ARID2: variants seen among roughly 807,000 people sequenced by gnomAD.
The protein encoded by ARID2 is AT-rich interaction domain 2.
In ARID2, 32 loss-of-function variants were observed where a neutral mutation model predicts 184.6. The observed-to-expected ratio is 0.17, with a 90% confidence interval of 0.13 to 0.23. The LOEUF is 0.23. Among genes scored for constraint, ARID2 ranks in the 10% least tolerant of loss-of-function variants. The probability of loss-of-function intolerance (pLI) is 1.00; values close to 1 mark genes in which losing one functional copy is unlikely to be tolerated. For synonymous variants in ARID2, 836 were observed against 772.6 expected, an observed-to-expected ratio of 1.08 and a Z score of -1.36; for missense variants, 1,696 against 2,197.6, an observed-to-expected ratio of 0.77 and a Z score of 4.56.
chr12:45,770,018 G>T (rs1218200324), intron 3 of ARID2, among the ~76,000 whole-genome samples: 3 of 152,132 alleles, frequency 2.0e-5, no homozygotes, highest in African/African-American at 7.2e-5. Context: ...ACTTTGGGAG[G>T]CTGAGACGGG....
At chr12:45,782,586 C>T (rs549356475) in intron 3 of ARID2, among the ~76,000 whole-genome samples, 20 of 152,170 alleles carry the variant, frequency 1.3e-4, no homozygotes, top group Non-Finnish European at 2.4e-4. Context: ...GAGCCGAGAT[C>T]GCGCCATTAC....
Position 45,850,171 on chromosome 12 carries a change from G to T in ARID2, c.2048G>T (p.Arg683Ile). The change falls in exon 15 of 21, where the codon AGA becomes ATA. Residue 683 changes from arginine to isoleucine, a missense_variant. This residue lies in a region of ARID2 where 713 missense variants were observed against 824.4 expected (regional missense o/e 0.86). Coordinates refer to ENST00000334344, the MANE Select transcript of ARID2 (RefSeq NM_152641.4). ...CATACTGTGGCACAAACTGTTTCAA[G>T]AATTCCACAAAATCCTTCACCTCAT... ...GVHTVAQTVS[R>I]IPQNPSPHTH... The T allele has an allele frequency of 6.2e-7, 1 of 1,614,086 alleles. No homozygotes were observed. Among genetic ancestry groups the T allele is most frequent in the Non-Finnish European group, 8.5e-7 (1 of 1,179,980 alleles).
At chr12:45,806,528 AT>A (rs1392846950) in intron 3 of ARID2, among the ~76,000 whole-genome samples, 1 of 151,832 alleles carries the variant, frequency 6.6e-6, no homozygotes, top group African/African-American at 2.4e-5. Flanking sequence ...CATATCTTTC[AT>A]TTTTGTCCAC....
At chr12:45,760,485 G>C (rs965080971) in intron 3 of ARID2, among the ~76,000 whole-genome samples, 2 of 151,744 alleles carry the variant, frequency 1.3e-5, no homozygotes, top group African/African-American at 4.8e-5. Context: ...TGTTTTTTCT[G>C]CGTGTGTGTT....
intron 15 of ARID2, among the ~76,000 whole-genome samples, chr12:45,854,405 T>C (rs1331339526): frequency 1.3e-5 from 2 of 152,184 alleles, no homozygotes; most frequent in African/African-American, 4.8e-5. Context: ...ATTGGAGACT[T>C]CTGCTTTGAG....
chr12:45,905,270 T>G lies in ARID2; in HGVS notation c.*192T>G, dbSNP rs181059322. On this transcript the variant is annotated 3_prime_UTR_variant, in exon 21 of 21. Coordinates refer to ENST00000334344, the MANE Select transcript of ARID2 (RefSeq NM_152641.4). ...CCTTTGTTCTCTGTTTAAAAAAATCTAAAAAGAAAAAGGAAAAAAAAAAAA... is the reference window on the plus strand; with the variant it reads ...CCTTTGTTCTCTGTTTAAAAAAATCGAAAAAGAAAAAGGAAAAAAAAAAAA... 730 of 482,398 alleles carry G rather than the reference T, an allele frequency of 1.5e-3. 4 individuals are homozygous for G. The highest frequency in any genetic ancestry group is 7.4e-3 in the African/African-American group (367 of 49,316). 29.9% of individuals were successfully genotyped at this position (482,398 alleles called of 1,614,324 possible).
chr12:45,811,036 C>T (rs1403360833), intron 3 of ARID2, among the ~76,000 whole-genome samples: 10 of 151,832 alleles, frequency 6.6e-5, no homozygotes, highest in Non-Finnish European at 1.3e-4. Flanking sequence ...GGTGAAACCC[C>T]GTCTCTACAA....
chr12:45,851,416 T>C lies in ARID2; in HGVS notation c.3293T>C (p.Val1098Ala), dbSNP rs1230385630. Residue 1098 changes from valine to alanine, a missense_variant, in exon 15 of 21, where the codon GTC (valine) becomes GCC (alanine). Around this residue, in one of 11 missense-constraint regions of ARID2, gnomAD observed 713 missense variants for 824.4 expected, o/e 0.86. Transcript: ENST00000334344. Reference protein sequence around the residue: ...NNARAPSPQVVYQVASNQAAG... With the variant: ...NNARAPSPQVAYQVASNQAAG... ...GCAAGAGCTCCTAGCCCTCAGGTGGTCTATCAGGTGGCCAGTAACCAAGCC... is the reference window on the plus strand; with the variant it reads ...GCAAGAGCTCCTAGCCCTCAGGTGGCCTATCAGGTGGCCAGTAACCAAGCC... The C allele has an allele frequency of 6.2e-7, 1 of 1,613,976 alleles. No individual in the cohort carries two copies. The highest frequency in any genetic ancestry group is 1.7e-5 in the Admixed American group (1 of 59,980).
chr12:45,750,703 G>A (rs926167505), intron 3 of ARID2, among the ~76,000 whole-genome samples: 2 of 152,124 alleles, frequency 1.3e-5, no homozygotes, highest in Admixed American at 1.3e-4. Flanking sequence ...GAGACATTTT[G>A]GAGTTGGGAA....
intron 20 of ARID2, among the ~76,000 whole-genome samples, chr12:45,898,005 G>A (rs762084327): frequency 6.6e-6 from 1 of 151,950 alleles, no homozygotes; most frequent in Non-Finnish European, 1.5e-5. Context: ...ACCATGTTGT[G>A]CAGGGTTGTC....
chr12:45,840,369 T>G (rs1592111379), intron 11 of ARID2: 1 of 152,184 alleles, frequency 6.6e-6, no homozygotes, highest in Non-Finnish European at 1.5e-5. Flanking sequence ...CTTCAATTTT[T>G]TACTCCTTCA....
intron 3 of ARID2, among the ~76,000 whole-genome samples, chr12:45,742,167 G>A (rs1941270925): frequency 6.6e-6 from 1 of 152,208 alleles, no homozygotes; most frequent in Non-Finnish European, 1.5e-5. Context: ...GACTGAAGAT[G>A]TATTGTTAAA....
rs1470438168 is a variant in ARID2, at chr12:45,731,201, G to C, written c.187-16G>C. ...AGATTGTTCACGTTCAGACAACTGT[G>C]CCTGTGTTTTACCAGGTTTCTGAGA... On this transcript the variant is annotated splice_polypyrimidine_tract_variant and intron_variant, in intron 2 of 20. Coordinates refer to ENST00000334344, the MANE Select transcript of ARID2 (RefSeq NM_152641.4). 6.4e-7 allele frequency: 1 copy of C among 1,561,608 alleles called. No homozygotes were observed. Among genetic ancestry groups the C allele is most frequent in the Non-Finnish European group, 8.8e-7 (1 of 1,132,184 alleles).
intron 3 of ARID2, among the ~76,000 whole-genome samples, chr12:45,757,295 T>C (rs1941588452): frequency 6.6e-6 from 1 of 152,194 alleles, no homozygotes; most frequent in South Asian, 2.1e-4. Flanking sequence ...CTTCTCAAAC[T>C]AATATGCTTA....
At position 45,837,532 on chromosome 12, in the gene ARID2, A is replaced by G. The variant is rs1297602689; in HGVS notation, c.1155A>G (p.Glu385=). 1 of 1,613,938 alleles carries G rather than the reference A, an allele frequency of 6.2e-7. No homozygotes were observed. The highest frequency in any genetic ancestry group is 1.7e-5 in the Admixed American group (1 of 59,996). The change falls in exon 10 of 21, where the codon GAA becomes GAG. Residue 385 remains glutamate (E), a synonymous_variant. Coordinates refer to ENST00000334344, the MANE Select transcript of ARID2 (RefSeq NM_152641.4). ...TTTTGGGAAATCTTTGCAAAGCAGA[A>G]GATAATGGTGTTTTAATTTGTGAAT... ...MEILGNLCKA[E]DNGVLICEYV...
rs995293845 is a variant in ARID2 at position 45,837,727 on chromosome 12, C to A, written c.1330+20C>A. On this transcript the variant is annotated intron_variant, in intron 10 of 20. Coordinates refer to ENST00000334344, the MANE Select transcript of ARID2 (RefSeq NM_152641.4). ...GCATAGGTAAGACTGGACCAAAAAA[C>A]ACTTATTTTCTTTATTGAGTAAAAG... The A allele has an allele frequency of 6.2e-7, 1 of 1,601,312 alleles. No individual in the cohort carries two copies. The highest frequency in any genetic ancestry group is 1.1e-5 in the South Asian group (1 of 90,796).
chr12:45,852,154 T>C lies in ARID2; in HGVS notation c.4031T>C (p.Ile1344Thr), dbSNP rs750439870. The C allele has an allele frequency of 4.3e-6, 7 of 1,614,038 alleles. No homozygotes were observed. The highest frequency in any genetic ancestry group is 1.3e-5 in the African/African-American group (1 of 75,028). The change falls in exon 15 of 21, where the codon ATA (isoleucine) becomes ACA (threonine). Residue 1344 changes from isoleucine to threonine, a missense_variant. By Grantham distance (89) the Ile-to-Thr change is moderately conservative (BLOSUM62 -1). This residue lies in a region of ARID2 where 428 missense variants were observed against 409.1 expected (regional missense o/e 1.05). Coordinates refer to ENST00000334344, the MANE Select transcript of ARID2 (RefSeq NM_152641.4). ...TCTGGGAAACAGAACTCAGAACAAA[T>C]AGACATGCAAGATATCAAAAGTGAT... is the stretch of plus-strand genomic sequence containing the variant. ...GASGKQNSEQ[I>T]DMQDIKSDLR...
chr12:45,776,822 G>A (rs527573644), intron 3 of ARID2, among the ~76,000 whole-genome samples: 6 of 145,336 alleles, frequency 4.1e-5, no homozygotes, highest in South Asian at 2.2e-4. Flanking sequence ...TTGCGGGGTC[G>A]TCCAGGCTAG....
intron 3 of ARID2, among the ~76,000 whole-genome samples, chr12:45,781,060 A>G (rs1183156685): frequency 6.6e-6 from 1 of 152,106 alleles, no homozygotes; most frequent in Non-Finnish European, 1.5e-5. Context: ...CACTCCCATA[A>G]AAACAGAGCT....
Sources: gnomAD v4.1 joint callset for allele counts (sites outside exome capture counted in the v4.1 genomes callset) on GRCh38, gnomAD v4.1.1 for gene constraint, gnomAD v4.1.1 regional missense constraint, MANE v1.5 for transcripts, NCBI Gene and HGNC (gene_info 2026-07-23, HGNC 2026-07-21) for gene names.